Variants in TIMM50 observed in about 807,000 individuals in gnomAD.
TIMM50 encodes the protein translocase of inner mitochondrial membrane 50.
A neutral mutation model predicts 49.6 loss-of-function variants in TIMM50; 34 were observed. The ratio of observed to expected loss-of-function variants is 0.69; its 90% CI spans 0.52 to 0.91. TIMM50 has a LOEUF of 0.91. TIMM50 is among the 40% of genes least tolerant of loss of function. The probability of loss-of-function intolerance (pLI) is 0.00; values close to 1 mark genes in which losing one functional copy is unlikely to be tolerated. For synonymous variants in TIMM50, 199 were observed against 198.4 expected, an observed-to-expected ratio of 1.00 and a Z score of -0.03; for missense variants, 458 against 477.8, an observed-to-expected ratio of 0.96 and a Z score of 0.39.
At chr19:39,485,348 T>C in intron 4 of TIMM50, 196 bp from the exon 5 acceptor site, 1 of 631,452 alleles carries the variant, frequency 1.6e-6, no homozygotes, top group South Asian at 1.9e-5. Context: ...CAGCTTAAAA[T>C]AGGGCAAGTA....
intron 8 of TIMM50, 108 bp downstream of exon 8, chr19:39,486,603 C>G: frequency 9.9e-7 from 1 of 1,007,974 alleles, no homozygotes; most frequent in Non-Finnish European, 1.5e-6. Flanking sequence ...TGGTTCTGCC[C>G]AGATTCGATT....
chr19:39,486,450 C>T lies in TIMM50; in HGVS notation c.651C>T (p.Arg217=), dbSNP rs1398845210. The change falls in exon 8 of 11, where the codon CGC becomes CGT. Residue 217 remains arginine, a synonymous_variant. Transcript: ENST00000607714. ...ACCCCCATGGCTTCATCTCCTACCG[C>T]CTATTCCGGGACGCCACAAGATACA... ...SVDPHGFISY[R]LFRDATRYMD... is the part of the protein sequence containing the mutation. 1 of 1,614,184 alleles carries T rather than the reference C, an allele frequency of 6.2e-7. No homozygotes were observed. Among genetic ancestry groups the T allele is most frequent in the African/African-American group, 1.3e-5 (1 of 75,032 alleles).
At chr19:39,486,978 G>A (rs1241962603) in intron 8 of TIMM50, among the ~76,000 whole-genome samples, 2 of 152,164 alleles carry the variant, frequency 1.3e-5, no homozygotes, top group East Asian at 1.9e-4. Flanking sequence ...CGGGGTGGGG[G>A]TTCTGTGTTG....
intron 10 of TIMM50, among the ~76,000 whole-genome samples, chr19:39,489,465 C>G (rs1038533683): frequency 1.8e-4 from 27 of 152,070 alleles, no homozygotes; most frequent in South Asian, 1.0e-3. Context: ...TGGAGTCTGT[C>G]GTCCCCCAAA....
chr19:39,487,822 C>T (rs1362067413), intron 8 of TIMM50, among the ~76,000 whole-genome samples: 1 of 151,970 alleles, frequency 6.6e-6, no homozygotes, highest in African/African-American at 2.4e-5. Flanking sequence ...GAACTCCTGA[C>T]CTCAGGTGAT....
At chr19:39,483,305 G>A in intron 4 of TIMM50, 149 bp downstream of exon 4, 1 of 1,037,374 alleles carries the variant, frequency 9.6e-7, no homozygotes, top group Non-Finnish European at 1.5e-6. Flanking sequence ...TTGTGGGGAG[G>A]GACATTACAA....
intron 4 of TIMM50, chr19:39,485,150 A>G (rs1351570273): frequency 9.5e-6 from 2 of 210,424 alleles, no homozygotes; most frequent in Non-Finnish European, 9.8e-6. Context: ...CTGTTTTAGT[A>G]GAGACAGAGT....
In TIMM50 at chr19:39,485,755, C is replaced by T. The variant is rs11545197; in HGVS notation, c.440C>T (p.Pro147Leu). 2 of 1,614,134 alleles carry T rather than the reference C, an allele frequency of 1.2e-6. No individual in the cohort carries two copies. The highest frequency in any genetic ancestry group is 2.2e-5 in the South Asian group (2 of 91,078). The change falls in exon 6 of 11, where the codon CCC becomes CTC. Residue 147 changes from proline (P) to leucine (L), a missense_variant. Transcript: ENST00000607714. ...DPLQEPYYQP[P>L]YTLVLELTGV... The stretch of plus-strand genomic sequence containing the variant: ...CTGCAGGAACCGTACTACCAGCCAC[C>T]CTACACGCTCGTTTTGGAGCTCACC...
chr19:39,481,446 C>T, intron 1 of TIMM50: 1 of 234,132 alleles, frequency 4.3e-6, no homozygotes, highest in South Asian at 7.5e-5. Context: ...TTCCCCGCCT[C>T]CGCTCCTATC....
rs776567409 is a variant in TIMM50, at chr19:39,483,150, G to A, written c.307G>A (p.Asp103Asn). 9 of 1,613,898 alleles carry A rather than the reference G, an allele frequency of 5.6e-6. No homozygotes were observed. The highest frequency in any genetic ancestry group is 2.2e-5 in the East Asian group (1 of 44,886). ...TACCTCCCAGATTCCTGATGAGTTC[G>A]ACAATGGTGAGTAAACAAGCACAGA... ...ENGAKIPDEF[D>N]NDPILVQQLR... Residue 103 changes from aspartate to asparagine, a missense_variant, in exon 4 of 11, where the codon GAC (aspartate) becomes AAC (asparagine). By Grantham distance (23) the Asp-to-Asn change is conservative. Transcript: ENST00000607714.
Position 39,486,044 on chromosome 19 carries a change from T to C in TIMM50, c.493-143T>C, listed in dbSNP as rs4803246. On this transcript the variant is annotated intron_variant, in intron 6 of 10. Coordinates refer to ENST00000607714, the MANE Select transcript of TIMM50 (RefSeq NM_001001563.5). ...AGGAGCCAGACCCGCAGTCACAGCC[T>C]ATGAACTTCTTGACCTCCAAGAGCC... 0.55 allele frequency: 591,620 copies of C among 1,067,428 alleles called. 167,052 individuals carry two copies. Among genetic ancestry groups the C allele is most frequent in the African/African-American group, 0.76 (48,091 of 63,524 alleles). The allele number at this position is 1,067,428 out of a possible 1,614,324, so 66.1% of individuals were successfully genotyped here. A position where few individuals can be genotyped will look rare whatever the true frequency, so the allele number is the denominator to read the frequency against.
intron 3 of TIMM50, 104 bp downstream of exon 3, chr19:39,483,020 T>C: frequency 6.2e-7 from 1 of 1,607,866 alleles, no homozygotes; most frequent in South Asian, 1.1e-5. Flanking sequence ...AGTGAGCCTT[T>C]CTTTCCCAGT....
Position 39,486,299 on chromosome 19 carries a change from T to C in TIMM50, c.597+8T>C, listed in dbSNP as rs369086378. 24 of 1,613,904 alleles carry C rather than the reference T, an allele frequency of 1.5e-5. No individual in the cohort carries two copies. The African/African-American group carries it at 1.9e-4, about 13-fold the overall frequency. ...ACGTCAGAGACTGGCATGGTGAGGCTCTGGGGCAGGGGAGGGAATATTGGT... is the reference window on the plus strand; with the variant it reads ...ACGTCAGAGACTGGCATGGTGAGGCCCTGGGGCAGGGGAGGGAATATTGGT... On this transcript the variant is annotated splice_region_variant and intron_variant, in intron 7 of 10. Transcript: ENST00000607714.
chr19:39,491,636 A>G lies in TIMM50; in HGVS notation c.*1816A>G, dbSNP rs2079545663. The G allele has an allele frequency of 6.6e-6, 1 of 151,362 alleles. No individual in the cohort carries two copies. Among genetic ancestry groups the G allele is most frequent in the Admixed American group, 6.6e-5 (1 of 15,232 alleles). 9.4% of individuals were successfully genotyped at this position (151,362 alleles called of 1,614,324 possible). A position where few individuals can be genotyped will look rare whatever the true frequency, so the allele number is the denominator to read the frequency against. ...GGAGTACGAGACCACCCTGGGCAAC[A>G]TGGTGAAATCCTGCCTCTAAAAAAA... is the stretch of plus-strand genomic sequence containing the variant. On this transcript the variant is annotated 3_prime_UTR_variant, in exon 11 of 11. Transcript: ENST00000607714.
Position 39,485,931 on chromosome 19 carries a change from G to T in TIMM50, c.492+124G>T, listed in dbSNP as rs971415758. ...AGGAGATGTCACCTGTCATTGCCTC[G>T]CTTTCTTCAGCTGGGAGAAGGCAGT... is the stretch of plus-strand genomic sequence containing the variant. On this transcript the variant is annotated intron_variant, in intron 6 of 10. Coordinates refer to ENST00000607714, the MANE Select transcript of TIMM50 (RefSeq NM_001001563.5). The T allele has an allele frequency of 6.4e-6, 9 of 1,397,152 alleles. No individual in the cohort carries two copies. The African/African-American group carries it at 8.6e-5, about 13-fold the overall frequency. 86.5% of individuals were successfully genotyped at this position (1,397,152 alleles called of 1,614,324 possible).
rs773052133 is a variant in TIMM50, at chr19:39,488,642, G to A, written c.957G>A (p.Glu319=). ...TCAAACAGCGGCAAAGCCGGCTAGAGCAGGTTGGTGCTCAGATGCCCAGAG... is the reference window on the plus strand; with the variant it reads ...TCAAACAGCGGCAAAGCCGGCTAGAACAGGTTGGTGCTCAGATGCCCAGAG... ...AAFKQRQSRL[E]QEEQQRLAEL... is the part of the protein sequence containing the mutation. Residue 319 remains glutamate (E), a synonymous_variant, in exon 10 of 11, where the codon GAG becomes GAA. Coordinates refer to ENST00000607714, the MANE Select transcript of TIMM50 (RefSeq NM_001001563.5). 6.2e-7 allele frequency: 1 copy of A among 1,613,618 alleles called. No individual in the cohort carries two copies. The highest frequency in any genetic ancestry group is 1.1e-5 in the South Asian group (1 of 91,064).
chr19:39,485,349 AG>A lies in TIMM50; in HGVS notation c.314-192del. On this transcript the variant is annotated intron_variant, in intron 4 of 10. Transcript: ENST00000607714. ...GTGGATATAAGTATCAGCTTAAAAT[AG>A]GGCAAGTAAATAAATCTGTGTTCCT... The A allele has an allele frequency of 4.7e-6, 3 of 631,634 alleles. No individual in the cohort carries two copies. The South Asian group carries it at 5.7e-5, about 12-fold the overall frequency. 39.1% of individuals were successfully genotyped at this position (631,634 alleles called of 1,614,324 possible). A position where few individuals can be genotyped will look rare whatever the true frequency, so the allele number is the denominator to read the frequency against.
At chr19:39,481,108 T>G in intron 1 of TIMM50, 147 bp downstream of exon 1, 1 of 1,098,544 alleles carries the variant, frequency 9.1e-7, no homozygotes, top group Non-Finnish European at 1.2e-6. Flanking sequence ...CCCAACCTCC[T>G]GGGTGGTTGC....
At chr19:39,488,010 TG>T (rs1463169650) in intron 8 of TIMM50, 50 bp from the exon 9 acceptor site, 1 of 1,571,200 alleles carries the variant, frequency 6.4e-7, no homozygotes. Flanking sequence ...GTCTTCTTGA[TG>T]GGGGGAGAGT....
Sources: gnomAD v4.1 joint callset for allele counts (sites outside exome capture counted in the v4.1 genomes callset) on GRCh38, gnomAD v4.1.1 for gene constraint, MANE v1.5 for transcripts, NCBI Gene and HGNC (gene_info 2026-07-23, HGNC 2026-07-21) for gene names.